Variants in ZSCAN30 observed in about 807,000 individuals in gnomAD.
ZSCAN30 encodes zinc finger and SCAN domain containing 30.
Under a neutral mutation model 44.3 loss-of-function variants are expected in ZSCAN30, and 37 were observed. The ratio of observed to expected loss-of-function variants is 0.84; its 90% confidence interval spans 0.64 to 1.10. The LOEUF (loss-of-function observed/expected upper bound fraction) is 1.10. Ranked by LOEUF, ZSCAN30 falls within the 50% of genes least tolerant of loss-of-function variation. ZSCAN30 has a pLI of 0.00. For missense variants in ZSCAN30, 549 were observed against 582.6 expected, an observed-to-expected ratio of 0.94 and a Z score of 0.59; for synonymous variants, 181 against 204.6, an observed-to-expected ratio of 0.88 and a Z score of 0.98.
At chr18:35,280,311 G>C (rs759158230) in intron 1 of ZSCAN30, among the ~76,000 whole-genome samples, 28 of 149,718 alleles carry the variant, frequency 1.9e-4, no homozygotes, top group Non-Finnish European at 3.5e-4. Flanking sequence ...GAGAGACAGA[G>C]AAGGCAACCA....
At chr18:35,267,377 G>T (rs560611701) in intron 1 of ZSCAN30, 7 of 152,472 alleles carry the variant, frequency 4.6e-5, no homozygotes, top group Admixed American at 4.6e-4. Flanking sequence ...GCCCCGGCCT[G>T]TGGCCGAGGG....
At chr18:35,281,476 C>A (rs1360400524) in intron 1 of ZSCAN30, 1 of 151,970 alleles carries the variant, frequency 6.6e-6, no homozygotes, top group Non-Finnish European at 1.5e-5. Flanking sequence ...TGGTCAAACA[C>A]CCAAAAAAAT....
At chr18:35,265,242 A>G (rs2044124662) in intron 1 of ZSCAN30, among the ~76,000 whole-genome samples, 1 of 152,184 alleles carries the variant, frequency 6.6e-6, no homozygotes, top group Non-Finnish European at 1.5e-5. Context: ...CTCTGCAACC[A>G]AAGTCTTTAG....
chr18:35,255,917 A>G (rs753728833), intron 3 of ZSCAN30: 1 of 153,370 alleles, frequency 6.5e-6, no homozygotes, highest in Admixed American at 6.5e-5. Flanking sequence ...CAAATAGGTT[A>G]AAGTCAGAGA....
chr18:35,277,853 T>G (rs2143759927), intron 1 of ZSCAN30, among the ~76,000 whole-genome samples: 1 of 152,252 alleles, frequency 6.6e-6, no homozygotes, highest in East Asian at 1.9e-4. Flanking sequence ...ATGACTGTAC[T>G]TCCTTCCTTC....
At chr18:35,288,475 A>G (rs776514548) in intron 1 of ZSCAN30, among the ~76,000 whole-genome samples, 2 of 152,214 alleles carry the variant, frequency 1.3e-5, no homozygotes, top group Non-Finnish European at 2.9e-5. Context: ...GGGGGAAAAA[A>G]GCATATGTCC....
chr18:35,254,572 T>G, intron 3 of ZSCAN30, 191 bp from the exon 4 acceptor site: 4 of 953,458 alleles, frequency 4.2e-6, no homozygotes, highest in Non-Finnish European at 6.2e-6. Flanking sequence ...GAGAGTAAGG[T>G]AGACAAAGAA....
intron 1 of ZSCAN30, chr18:35,269,253 C>G (rs1481027626): frequency 6.6e-6 from 1 of 152,190 alleles, no homozygotes; most frequent in Non-Finnish European, 1.5e-5. Flanking sequence ...GTAATGCTAT[C>G]TTGAAGTGAA....
Position 35,264,362 on chromosome 18 carries a change from A to C in ZSCAN30, c.-10T>G. On this transcript the variant is annotated 5_prime_UTR_variant, in exon 2 of 4. Transcript: ENST00000333206. ...TGGCCTCTCCTGACATTCTGGGCAG[A>C]GACAGTCTGAAAAGGCTGCCCAGGT... The C allele has an allele frequency of 6.2e-7, 1 of 1,607,108 alleles. No individual in the cohort carries two copies. Among genetic ancestry groups the C allele is most frequent in the Non-Finnish European group, 8.5e-7 (1 of 1,176,130 alleles).
In ZSCAN30 at chr18:35,264,264, A is replaced by G; in HGVS notation, c.89T>C (p.Val30Ala). 6.2e-7 allele frequency: 1 copy of G among 1,614,152 alleles called. No individual in the cohort carries two copies. The highest frequency in any genetic ancestry group is 8.5e-7 in the Non-Finnish European group (1 of 1,180,034). ...CTGAAGGCCAAAGTCCTGGTCCAAA[A>G]CATAATTTTCTTCTTCAACCTTGAC... is the stretch of plus-strand genomic sequence containing the variant. ...LVVKVEEENY[V>A]LDQDFGLQEN... The change falls in exon 2 of 4, where the codon GTT (valine) becomes GCT (alanine). Residue 30 changes from valine (V) to alanine (A), a missense_variant. Transcript: ENST00000333206.
At chr18:35,283,929 G>A (rs974952609) in intron 1 of ZSCAN30, 8 of 152,396 alleles carry the variant, frequency 5.2e-5, no homozygotes, top group African/African-American at 1.9e-4. Context: ...TAGACAAGTG[G>A]AGGCTGAGCA....
rs143471995 is a variant in ZSCAN30 at position 35,274,283 on chromosome 18, C to T, written c.-103-9828G>A. On this transcript the variant is annotated intron_variant, in intron 1 of 3. Coordinates refer to ENST00000333206, the MANE Select transcript of ZSCAN30 (RefSeq NM_001112734.4). Reference sequence around the variant, plus strand: ...CGATCTCCTGACCTCGTGATCTGCCCGCCTCAGCCTCCCAAAGTGCTGGGA... The same window carrying T: ...CGATCTCCTGACCTCGTGATCTGCCTGCCTCAGCCTCCCAAAGTGCTGGGA... Among the ~76,000 whole-genome samples the T allele has an allele frequency of 5.1e-4, 78 of 152,074 alleles. 1 individual carries two copies. The East Asian group carries it at 0.012, about 24-fold the overall frequency.
intron 1 of ZSCAN30, among the ~76,000 whole-genome samples, chr18:35,273,845 T>A (rs1156812104): frequency 2.6e-5 from 4 of 152,232 alleles, no homozygotes; most frequent in Non-Finnish European, 5.9e-5. Context: ...GTCTTTTACG[T>A]CCCTGAATAA....
At position 35,259,700 on chromosome 18, in the gene ZSCAN30, A is replaced by C. The variant is rs2043972955; in HGVS notation, c.553+3813T>G. On this transcript the variant is annotated intron_variant, in intron 3 of 3. Transcript: ENST00000333206. ...TTCAACATATGAATTTTGAAGGGAC[A>C]CAACTCATCCCATAACAAATAACAA... The C allele has an allele frequency of 1.9e-5, 3 of 154,434 alleles. No individual in the cohort carries two copies. In the South Asian group the frequency reaches 6.1e-4, roughly 31 times the overall value. The allele number at this position is 154,434 out of a possible 1,614,324, so 9.6% of individuals were successfully genotyped here.
chr18:35,257,952 A>C (rs1321899696), intron 3 of ZSCAN30: 1 of 781,078 alleles, frequency 1.3e-6, no homozygotes, highest in South Asian at 1.3e-5. Context: ...ACACATCGTC[A>C]ATAAATCACC....
intron 1 of ZSCAN30, among the ~76,000 whole-genome samples, chr18:35,265,989 A>C (rs952719814): frequency 2.6e-5 from 4 of 152,184 alleles, no homozygotes; most frequent in Non-Finnish European, 2.9e-5. Flanking sequence ...ACCCAGGCAA[A>C]GTGAAAATGG....
chr18:35,259,662 TG>T (rs1308811206), intron 3 of ZSCAN30: 1 of 154,278 alleles, frequency 6.5e-6, no homozygotes, highest in African/African-American at 2.4e-5. Flanking sequence ...AGGTTCTGGC[TG>T]GGGGTTACAG....
intron 3 of ZSCAN30, chr18:35,263,242 T>TAA (rs71265098): frequency 1.2e-3 from 325 of 277,208 alleles, no homozygotes; most frequent in Middle Eastern, 2.2e-3. Context: ...AGACCCCATC[T>TAA]AAAAAAAAAA....
chr18:35,260,093 T>C (rs1044851368), intron 3 of ZSCAN30: 3 of 152,240 alleles, frequency 2.0e-5, no homozygotes, highest in Non-Finnish European at 4.4e-5. Flanking sequence ...CTCCCACTTA[T>C]AAGTGAGAAC....
Sources: gnomAD v4.1 joint callset for allele counts (sites outside exome capture counted in the v4.1 genomes callset) on GRCh38, gnomAD v4.1.1 for gene constraint, MANE v1.5 for transcripts, NCBI Gene and HGNC (gene_info 2026-07-23, HGNC 2026-07-21) for gene names.